The following DCLRE1C variants were observed in gnomAD, a reference collection of about 807,000 sequenced individuals.
DCLRE1C encodes DNA cross-link repair 1C, also known as protein artemis.
In DCLRE1C, 47 loss-of-function variants were observed where a neutral mutation model predicts 61.4. That is an observed-to-expected ratio of 0.77 (90% CI 0.61 to 0.98). DCLRE1C has a LOEUF of 0.98. Ranked by LOEUF, DCLRE1C falls within the 50% of genes least tolerant of loss-of-function variation. The pLI is 0.00. For synonymous variants in DCLRE1C, 337 were observed against 287.6 expected, an observed-to-expected ratio of 1.17 and a Z score of -1.74; for missense variants, 858 against 816.0, an observed-to-expected ratio of 1.05 and a Z score of -0.63.
intron 8 of DCLRE1C, 126 bp downstream of exon 8, chr10:14,934,254 G>A (rs1466896741): frequency 1.8e-5 from 24 of 1,363,010 alleles, no homozygotes; most frequent in Non-Finnish European, 2.2e-5. Flanking sequence ...CTTGAACCCG[G>A]GAGGTGGAGG....
chr10:14,927,711 C>T (rs888940142), intron 10 of DCLRE1C, among the ~76,000 whole-genome samples: 6 of 152,128 alleles, frequency 3.9e-5, no homozygotes, highest in Admixed American at 6.5e-5. Context: ...AGTCACTCCT[C>T]TGCTCCACCA....
downstream of DCLRE1C, chr10:14,900,991 C>T: frequency 2.8e-6 from 3 of 1,076,570 alleles, no homozygotes; most frequent in South Asian, 1.8e-5. Flanking sequence ...ATGTGCATGC[C>T]TCAAAGACCT....
chr10:14,942,941 A>G (rs1457544003), intron 3 of DCLRE1C, among the ~76,000 whole-genome samples: 5 of 152,144 alleles, frequency 3.3e-5, no homozygotes, highest in Admixed American at 1.3e-4. Context: ...CCTCGCCAAC[A>G]TGGCAAAACC....
At chr10:14,937,093 T>C (rs1487267903) in intron 4 of DCLRE1C, among the ~76,000 whole-genome samples, 2 of 152,112 alleles carry the variant, frequency 1.3e-5, no homozygotes, top group African/African-American at 4.8e-5. Flanking sequence ...ATATCCGGAA[T>C]AGGTGAACCC....
chr10:14,941,431 C>T (rs1283126340), intron 3 of DCLRE1C, among the ~76,000 whole-genome samples: 4 of 152,130 alleles, frequency 2.6e-5, no homozygotes, highest in East Asian at 3.9e-4. Flanking sequence ...ACTACAGGCA[C>T]ACTCTACTAT....
rs754829084 is a variant in DCLRE1C, at chr10:14,908,458, C to T, written c.2029G>A (p.Gly677Ser). ...CTTTTTTTGACTGCTATACTCTCAC[C>T]AGTTGCCAGCTTCTCATATAAATAT... ...LQYLYEKLAT[G>S]ESIAVKKRKC... is the part of the protein sequence containing the mutation. Residue 677 changes from glycine to serine, a missense_variant, in exon 14 of 14, where the codon GGT becomes AGT. Gly to Ser is a moderately conservative substitution (Grantham distance 56). This residue lies in a region of DCLRE1C where 843 missense variants were observed against 783.5 expected (regional missense o/e 1.08). Transcript: ENST00000378278. 21 of 1,613,774 alleles carry T rather than the reference C, an allele frequency of 1.3e-5. No homozygotes were observed. Among genetic ancestry groups the T allele is most frequent in the Non-Finnish European group, 1.8e-5 (21 of 1,179,990 alleles).
At chr10:14,931,493 G>C (rs1254990681) in intron 9 of DCLRE1C, among the ~76,000 whole-genome samples, 1 of 152,154 alleles carries the variant, frequency 6.6e-6, no homozygotes, top group African/African-American at 2.4e-5. Context: ...GGGAGGCAGA[G>C]CTTGCAGTGA....
At chr10:14,918,600 A>G (rs546573642) in intron 13 of DCLRE1C, among the ~76,000 whole-genome samples, 33 of 151,814 alleles carry the variant, frequency 2.2e-4, no homozygotes, top group African/African-American at 7.7e-4. Flanking sequence ...TGCAGTTTAT[A>G]TCAATTATAC....
intron 5 of DCLRE1C, 71 bp downstream of exon 5, chr10:14,936,467 T>TA: frequency 7.5e-7 from 1 of 1,340,056 alleles, no homozygotes; most frequent in Admixed American, 1.8e-5. Context: ...TTTTAGACCC[T>TA]AAAAATTTAT....
chr10:14,918,467 C>A (rs1025327125), intron 13 of DCLRE1C, among the ~76,000 whole-genome samples: 2 of 151,804 alleles, frequency 1.3e-5, no homozygotes, highest in African/African-American at 2.4e-5. Context: ...GGGTGAGAAC[C>A]GGAGGGAATT....
At chr10:14,926,954 C>G in intron 10 of DCLRE1C, 57 bp from the exon 11 acceptor site, 1 of 1,446,632 alleles carries the variant, frequency 6.9e-7, no homozygotes, top group Non-Finnish European at 9.7e-7. Context: ...TAAAACTAAG[C>G]AAAGCTGGCC....
At chr10:14,930,621 C>G (rs1237056658) in intron 9 of DCLRE1C, among the ~76,000 whole-genome samples, 1 of 151,938 alleles carries the variant, frequency 6.6e-6, no homozygotes, top group East Asian at 1.9e-4. Context: ...TTACTAGAGA[C>G]GGGGTTTTGC....
At chr10:14,912,091 G>T (rs1172805627) in intron 13 of DCLRE1C, among the ~76,000 whole-genome samples, 1 of 152,232 alleles carries the variant, frequency 6.6e-6, no homozygotes, top group Non-Finnish European at 1.5e-5. Context: ...ATATGTGGAA[G>T]CCCTAAAGCC....
intron 13 of DCLRE1C, among the ~76,000 whole-genome samples, chr10:14,910,248 TCA>T (rs1421739420): frequency 6.6e-6 from 1 of 152,208 alleles, no homozygotes; most frequent in African/African-American, 2.4e-5. Context: ...TCTTAAAGGT[TCA>T]GTGTTATGAC....
At chr10:14,929,563 G>A (rs988313895) in intron 9 of DCLRE1C, among the ~76,000 whole-genome samples, 3 of 150,848 alleles carry the variant, frequency 2.0e-5, no homozygotes, top group Non-Finnish European at 3.0e-5. Flanking sequence ...GATCACTTGA[G>A]CCTGGGGGGT....
chr10:14,917,430 G>A (rs1836373125), intron 13 of DCLRE1C, among the ~76,000 whole-genome samples: 1 of 150,102 alleles, frequency 6.7e-6, no homozygotes, highest in South Asian at 2.1e-4. Flanking sequence ...CTGCTAAAAA[G>A]ATTGAAAAGA....
rs115471636 is a variant in DCLRE1C at position 14,938,469 on chromosome 10, G to C, written c.306+1341C>G. On this transcript the variant is annotated intron_variant, in intron 4 of 13. Coordinates refer to ENST00000378278, the MANE Select transcript of DCLRE1C (RefSeq NM_001033855.3). ...CACCAAAGAAGAAATATCTGAAAAG[G>C]TCAGTTTCTGTTCAACAACACAACA... Among the ~76,000 whole-genome samples, 1,461 of 152,062 alleles carry C rather than the reference G, an allele frequency of 9.6e-3. 22 individuals carry two copies. The highest frequency in any genetic ancestry group is 0.034 in the African/African-American group (1,391 of 41,442).
intron 13 of DCLRE1C, among the ~76,000 whole-genome samples, chr10:14,910,424 C>T (rs921505158): frequency 6.6e-6 from 1 of 152,118 alleles, no homozygotes; most frequent in African/African-American, 2.4e-5. Flanking sequence ...AGTCACAGTT[C>T]AGCCTCTACC....
chr10:14,952,488 T>C (rs1842593336), intron 1 of DCLRE1C, among the ~76,000 whole-genome samples: 1 of 152,158 alleles, frequency 6.6e-6, no homozygotes, highest in South Asian at 2.1e-4. Context: ...CTTGGGAGGC[T>C]GAGGCACGAG....
Sources: allele counts gnomAD v4.1 joint callset (sites outside exome capture counted in the v4.1 genomes callset), GRCh38; gene constraint gnomAD v4.1.1; regional missense constraint gnomAD v4.1.1; transcripts MANE v1.5; gene names NCBI Gene and HGNC (gene_info 2026-07-23, HGNC 2026-07-21).